The following SLC8A3 variants were observed in gnomAD, a reference collection of about 807,000 sequenced individuals.
SLC8A3 encodes solute carrier family 8 member A3, also known as sodium/calcium exchanger 3.
A neutral mutation model predicts 65.4 loss-of-function variants in SLC8A3; 37 were observed. The observed-to-expected ratio is 0.57, with a 90% CI of 0.44 to 0.74. The LOEUF is 0.74. SLC8A3 is among the 30% of genes least tolerant of loss of function. SLC8A3 has a pLI of 0.00. For missense variants in SLC8A3, 1,112 were observed against 1,172.1 expected (o/e 0.95, Z 0.75); for synonymous variants, 461 against 444.5 (o/e 1.04, Z -0.47).
intron 2 of SLC8A3, among the ~76,000 whole-genome samples, chr14:70,061,396 A>T (rs537956774): frequency 6.6e-6 from 1 of 152,196 alleles, no homozygotes; most frequent in Non-Finnish European, 1.5e-5. Flanking sequence ...GGGTCTTCCC[A>T]CAACAGGGAA....
chr14:70,063,929 G>A, intron 2 of SLC8A3: 1 of 1,561,130 alleles, frequency 6.4e-7, no homozygotes, highest in Non-Finnish European at 8.8e-7. Context: ...GAATTGTTTT[G>A]CTGTGGATGG....
chr14:70,175,913 T>G (rs1268178933), intron 1 of SLC8A3, among the ~76,000 whole-genome samples: 1 of 152,114 alleles, frequency 6.6e-6, no homozygotes, highest in Non-Finnish European at 1.5e-5. Context: ...TTTTGTATTT[T>G]TAATAGAGGC....
chr14:70,153,675 G>A (rs746376853), intron 2 of SLC8A3, among the ~76,000 whole-genome samples: 6 of 152,034 alleles, frequency 3.9e-5, no homozygotes, highest in Non-Finnish European at 7.4e-5. Context: ...AATGTCTGCC[G>A]ATTATACATT....
intron 2 of SLC8A3, among the ~76,000 whole-genome samples, chr14:70,076,799 A>G (rs933071218): frequency 1.1e-3 from 174 of 152,344 alleles, no homozygotes; most frequent in African/African-American, 4.0e-3. Context: ...TTGGTTAAGC[A>G]TATTCTCCAT....
intron 2 of SLC8A3, among the ~76,000 whole-genome samples, chr14:70,102,700 G>A (rs1378053482): frequency 2.0e-5 from 3 of 152,180 alleles, no homozygotes; most frequent in East Asian, 3.9e-4. Context: ...ATATCAGATT[G>A]AAGGTGGCAT....
rs376411097 is a variant in SLC8A3 at position 70,095,402 on chromosome 14, C to A, written c.1785-34463G>T. Among the ~76,000 whole-genome samples, 5 of 152,328 alleles carry A rather than the reference C, an allele frequency of 3.3e-5. No homozygotes were observed. In the East Asian group the frequency reaches 9.6e-4, roughly 29 times the overall value. ...TAGCATTGACACAAAGGCCAGAGAC[C>A]TGGACCCCAGCCAGGTTCCTTCTGT... On this transcript the variant is annotated intron_variant, in intron 2 of 6. Transcript: ENST00000356921.
chr14:70,063,534 TC>T (rs1346467178), intron 2 of SLC8A3, among the ~76,000 whole-genome samples: 2 of 152,182 alleles, frequency 1.3e-5, no homozygotes, highest in Admixed American at 1.3e-4. Context: ...GCTCTTTCTT[TC>T]CCCATACTCA....
chr14:70,052,014 G>C lies in SLC8A3; in HGVS notation c.1989C>G (p.Ile663Met), dbSNP rs1887567413. 1.2e-6 allele frequency: 2 copies of C among 1,613,278 alleles called. No individual in the cohort carries two copies. Among genetic ancestry groups the C allele is most frequent in the Non-Finnish European group, 1.7e-6 (2 of 1,179,712 alleles). The change falls in exon 4 of 7, where the codon ATC becomes ATG. Residue 663 changes from isoleucine (I) to methionine (M), a missense_variant. Transcript: ENST00000356921. ...VLGEHPKLEVIIEESYEFKTT... is the reference protein window; with the variant it reads ...VLGEHPKLEVMIEESYEFKTT... ...CCTTGAACTCATAGGACTCTTCAAT[G>C]ATGACTTCTAGTTTGGGGTGTTCAC...
chr14:70,049,220 G>A (rs1169272254), intron 5 of SLC8A3, among the ~76,000 whole-genome samples, 178 bp from the exon 6 acceptor site: 2 of 152,208 alleles, frequency 1.3e-5, no homozygotes, highest in African/African-American at 2.4e-5. Context: ...AAACAATTTG[G>A]GCTGCCTCAT....
rs575686510 is a variant in SLC8A3, at chr14:70,175,871, A to G, written c.-62-7387T>C. ...TGCCTCAGCCTCCCAAGTAGTTGGG[A>G]TTACAGGTGTGCACCACCACATCTG... On this transcript the variant is annotated intron_variant, in intron 1 of 6. Coordinates refer to ENST00000356921, the MANE Select transcript of SLC8A3 (RefSeq NM_182932.3). Among the ~76,000 whole-genome samples, 9 of 151,834 alleles carry G rather than the reference A, an allele frequency of 5.9e-5. No homozygotes were observed. The South Asian group carries it at 1.9e-3, about 32-fold the overall frequency.
At chr14:70,161,759 A>T (rs1361358217) in intron 2 of SLC8A3, among the ~76,000 whole-genome samples, 2 of 152,262 alleles carry the variant, frequency 1.3e-5, no homozygotes, top group African/African-American at 4.8e-5. Flanking sequence ...GAAAAAGAAA[A>T]CAAAAAATCG....
chr14:70,142,023 G>C (rs965620147), intron 2 of SLC8A3, among the ~76,000 whole-genome samples: 6 of 152,326 alleles, frequency 3.9e-5, no homozygotes, highest in Non-Finnish European at 8.8e-5. Context: ...GCTCCACAGA[G>C]CCCAGCTGGC....
intron 3 of SLC8A3, among the ~76,000 whole-genome samples, chr14:70,055,055 A>G (rs1370721436): frequency 6.6e-6 from 1 of 152,120 alleles, no homozygotes; most frequent in Non-Finnish European, 1.5e-5. Context: ...AATGTTGTTT[A>G]TGATTGGTTT....
chr14:70,139,996 A>T (rs1441446575), intron 2 of SLC8A3, among the ~76,000 whole-genome samples: 2 of 152,316 alleles, frequency 1.3e-5, no homozygotes, highest in East Asian at 1.9e-4. Context: ...CAAAATATTC[A>T]GCTGGTGCCA....
chr14:70,151,575 G>A (rs1422362522), intron 2 of SLC8A3, among the ~76,000 whole-genome samples: 1 of 152,234 alleles, frequency 6.6e-6, no homozygotes, highest in Non-Finnish European at 1.5e-5. Context: ...TAATTGTGAG[G>A]CCCTTGACTT....
At chr14:70,183,992 T>C (rs1882972123) in intron 1 of SLC8A3, among the ~76,000 whole-genome samples, 1 of 152,240 alleles carries the variant, frequency 6.6e-6, no homozygotes, top group African/African-American at 2.4e-5. Context: ...CTTTCTTCTC[T>C]TGCTGACCTG....
chr14:70,053,367 G>C (rs1887712961), intron 3 of SLC8A3, among the ~76,000 whole-genome samples: 1 of 152,198 alleles, frequency 6.6e-6, no homozygotes. Context: ...GGTGAATCTA[G>C]GGTTCTGGCT....
At chr14:70,120,667 G>T (rs1419244617) in intron 2 of SLC8A3, among the ~76,000 whole-genome samples, 1 of 152,168 alleles carries the variant, frequency 6.6e-6, no homozygotes, top group East Asian at 1.9e-4. Flanking sequence ...TCTGCCTTTA[G>T]CTTGCTGTGT....
At chr14:70,177,812 A>G (rs933494789) in intron 1 of SLC8A3, among the ~76,000 whole-genome samples, 1 of 152,176 alleles carries the variant, frequency 6.6e-6, no homozygotes, top group Non-Finnish European at 1.5e-5. Flanking sequence ...GGACAAGATC[A>G]ATGTTTTTCT....
Sources: gnomAD v4.1 joint callset for allele counts (sites outside exome capture counted in the v4.1 genomes callset) on GRCh38, gnomAD v4.1.1 for gene constraint, MANE v1.5 for transcripts, NCBI Gene and HGNC (gene_info 2026-07-23, HGNC 2026-07-21) for gene names.